The following ARAP2 variants were observed in gnomAD, a reference collection of about 807,000 sequenced individuals.
ARAP2 encodes ArfGAP with RhoGAP domain, ankyrin repeat and PH domain 2, also known as arf-GAP with Rho-GAP domain, ANK repeat and PH domain-containing protein 2.
Under a neutral mutation model 194.5 loss-of-function variants are expected in ARAP2, and 148 were observed. The observed-to-expected ratio is 0.76, with a 90% confidence interval of 0.67 to 0.87. ARAP2 has a LOEUF of 0.87. ARAP2 is among the 40% of genes least tolerant of loss of function. The probability of loss-of-function intolerance (pLI) is 0.00; values close to 1 mark genes in which losing one functional copy is unlikely to be tolerated. For missense variants in ARAP2, 2,128 were observed against 1,989.7 expected (o/e 1.07, Z -1.32); for synonymous variants, 695 against 683.5 (o/e 1.02, Z -0.26).
At chr4:36,213,061 A>G (rs1747115268) in intron 4 of ARAP2, among the ~76,000 whole-genome samples, 182 bp downstream of exon 4, 1 of 152,088 alleles carries the variant, frequency 6.6e-6, no homozygotes, top group Admixed American at 6.5e-5. Flanking sequence ...GTGTTCCTAT[A>G]ATGTATATTG....
chr4:36,102,024 GC>G (rs1313269237), intron 27 of ARAP2, among the ~76,000 whole-genome samples: 1 of 151,778 alleles, frequency 6.6e-6, no homozygotes, highest in Non-Finnish European at 1.5e-5. Flanking sequence ...CCTTCACAAG[GC>G]CTCTTTTGCT....
chr4:36,198,163 C>T (rs1220658265), intron 6 of ARAP2, among the ~76,000 whole-genome samples: 1 of 152,166 alleles, frequency 6.6e-6, no homozygotes, highest in Non-Finnish European at 1.5e-5. Flanking sequence ...GGGTGGGGAG[C>T]TCCTCTCTGC....
chr4:36,228,346 G>C (rs547451294), intron 2 of ARAP2, among the ~76,000 whole-genome samples: 2 of 152,262 alleles, frequency 1.3e-5, no homozygotes, highest in East Asian at 1.9e-4. Flanking sequence ...TTAAGGGAAG[G>C]GATGTCCCCC....
chr4:36,160,251 A>G, intron 13 of ARAP2: 3 of 1,156,458 alleles, frequency 2.6e-6, no homozygotes, highest in Non-Finnish European at 3.2e-6. Flanking sequence ...AGGAAACTTC[A>G]ATTATGGAGG....
chr4:36,123,547 G>A (rs545696533), intron 22 of ARAP2, among the ~76,000 whole-genome samples: 2 of 151,622 alleles, frequency 1.3e-5, no homozygotes, highest in South Asian at 2.1e-4. Context: ...TTACTTCTCT[G>A]CTCCGAGGTG....
At chr4:36,100,046 G>A (rs1258347530) in intron 27 of ARAP2, among the ~76,000 whole-genome samples, 2 of 152,002 alleles carry the variant, frequency 1.3e-5, no homozygotes, top group Non-Finnish European at 2.9e-5. Context: ...AAGGGGTTTA[G>A]GACAGAATAT....
At chr4:36,048,937 T>C (rs1183745640) in intron 3 of ARAP2, among the ~76,000 whole-genome samples, 1 of 152,100 alleles carries the variant, frequency 6.6e-6, no homozygotes, top group East Asian at 1.9e-4. Flanking sequence ...TGGTATCTTG[T>C]TGTGGTTGTG....
At chr4:36,203,617 G>T (rs1399337392) in intron 6 of ARAP2, among the ~76,000 whole-genome samples, 3 of 151,554 alleles carry the variant, frequency 2.0e-5, no homozygotes, top group Non-Finnish European at 4.4e-5. Flanking sequence ...AAAAAAAACT[G>T]GTTACCAGGC....
At chr4:36,106,096 C>T (rs766764228) in intron 27 of ARAP2, among the ~76,000 whole-genome samples, 1 of 151,024 alleles carries the variant, frequency 6.6e-6, no homozygotes, top group Non-Finnish European at 1.5e-5. Context: ...ACCCAATCTC[C>T]AAGTTGTGAC....
chr4:36,097,086 GT>G (rs1394786478), intron 27 of ARAP2, among the ~76,000 whole-genome samples: 1 of 151,798 alleles, frequency 6.6e-6, no homozygotes, highest in Non-Finnish European at 1.5e-5. Context: ...CCTATGTCTC[GT>G]ATTAAACAAC....
intron 10 of ARAP2, chr4:36,005,628 C>A (rs1028193714): frequency 6.6e-6 from 1 of 152,048 alleles, no homozygotes; most frequent in African/African-American, 2.4e-5. Context: ...TTATATTATA[C>A]AATTCTATAC....
At chr4:36,011,179 A>G (rs6858727) in intron 9 of ARAP2, among the ~76,000 whole-genome samples, 25,162 of 151,660 alleles carry the variant, frequency 0.17, 4,582 homozygotes, top group African/African-American at 0.46. Context: ...AAATAACCCT[A>G]CTCTTTTATT....
Position 36,108,557 on chromosome 4 carries a change from A to G in ARAP2, c.4157-864T>C, listed in dbSNP as rs914136655. On this transcript the variant is annotated intron_variant, in intron 26 of 32. Transcript: ENST00000303965. ...ATTATAGACTAACTATTGACATAAT[A>G]GGCCAACTAGCAAGAAATTACATGA... Among the ~76,000 whole-genome samples, 3 of 152,144 alleles carry G rather than the reference A, an allele frequency of 2.0e-5. No individual in the cohort carries two copies. In the South Asian group the frequency reaches 6.2e-4, roughly 31 times the overall value.
At chr4:36,099,208 C>T (rs1716180666) in intron 27 of ARAP2, among the ~76,000 whole-genome samples, 2 of 152,100 alleles carry the variant, frequency 1.3e-5, no homozygotes, top group Non-Finnish European at 2.9e-5. Context: ...CCAGCTCCAT[C>T]TGTGTCCCTG....
In ARAP2 at chr4:36,164,969, T is replaced by C. The variant is rs763600847; in HGVS notation, c.2118A>G (p.Pro706=). 1.3e-5 allele frequency: 21 copies of C among 1,614,018 alleles called. No individual in the cohort carries two copies. The South Asian group carries it at 2.1e-4, about 16-fold the overall frequency. Residue 706 remains proline, a synonymous_variant, in exon 11 of 33, where the codon CCA becomes CCG. Coordinates refer to ENST00000303965, the MANE Select transcript of ARAP2 (RefSeq NM_015230.4). ...SNRSCADCKA[P]DPDWASINLC... ...GATTGATGGATGCCCAGTCAGGATC[T>C]GGGGCTTTACAATCTGCACAGCTCC...
chr4:36,147,454 T>A, intron 18 of ARAP2, 94 bp downstream of exon 18: 2 of 1,559,210 alleles, frequency 1.3e-6, no homozygotes, highest in Non-Finnish European at 1.8e-6. Flanking sequence ...GTCATAAGTT[T>A]GGGAGTAAGC....
rs559112275 is a variant in ARAP2 at position 36,200,068 on chromosome 4, A to G, written c.1488-6421T>C. Among the ~76,000 whole-genome samples the G allele has an allele frequency of 1.1e-3, 161 of 152,240 alleles. 1 individual carries two copies. Among genetic ancestry groups the G allele is most frequent in the African/African-American group, 3.8e-3 (157 of 41,498 alleles). On this transcript the variant is annotated intron_variant, in intron 6 of 32. Transcript: ENST00000303965. Reference sequence around the variant, plus strand: ...TCCTATTTAAAAATGTTAAATAACCAATTTATTTTTAAACCTAAATTCATA... The same window carrying G: ...TCCTATTTAAAAATGTTAAATAACCGATTTATTTTTAAACCTAAATTCATA...
Position 36,067,688 on chromosome 4 carries a change from G to A in ARAP2, c.*219C>T, listed in dbSNP as rs1725811791. On this transcript the variant is annotated 3_prime_UTR_variant, in exon 33 of 33. Transcript: ENST00000303965. ...GTCTTCTTACACACGTTAATACAAT[G>A]GAACTTTACAAGGTTTGTTCAGACC... 2.2e-6 allele frequency: 1 copy of A among 458,202 alleles called. No homozygotes were observed. Among genetic ancestry groups the A allele is most frequent in the African/African-American group, 2.0e-5 (1 of 50,392 alleles). 28.4% of individuals were successfully genotyped at this position (458,202 alleles called of 1,614,324 possible). A position where few individuals can be genotyped will look rare whatever the true frequency, so the allele number is the denominator to read the frequency against.
exon 8 of ARAP2, chr4:36,015,605 A>T (rs1443160269): frequency 6.6e-6 from 1 of 152,214 alleles, no homozygotes; most frequent in Non-Finnish European, 1.5e-5. Context: ...CATATGGTAT[A>T]TGGGTTCCAA....
Sources: allele counts gnomAD v4.1 joint callset (sites outside exome capture counted in the v4.1 genomes callset), GRCh38; gene constraint gnomAD v4.1.1; transcripts MANE v1.5; gene names NCBI Gene and HGNC (gene_info 2026-07-23, HGNC 2026-07-21).